CDH2: variants seen among roughly 807,000 people sequenced by gnomAD.
The protein encoded by CDH2 is cadherin 2, also known as cadherin-2.
CDH2 carries 17 observed loss-of-function variants against 92.0 expected under a neutral mutation model. The ratio of observed to expected loss-of-function variants is 0.18; its 90% CI spans 0.13 to 0.28. The LOEUF is 0.28. CDH2 is among the 10% of genes least tolerant of loss of function. The probability of loss-of-function intolerance (pLI) is 1.00; values close to 1 mark genes in which losing one functional copy is unlikely to be tolerated. For synonymous variants in CDH2, 419 were observed against 415.9 expected (o/e 1.01, Z -0.09); for missense variants, 862 against 1,133.1 (o/e 0.76, Z 3.44).
At chr18:28,167,982 G>A (rs536417707) in intron 1 of CDH2, among the ~76,000 whole-genome samples, 1 of 152,236 alleles carries the variant, frequency 6.6e-6, no homozygotes, top group East Asian at 1.9e-4. Context: ...GAATGTCTGT[G>A]TTAACCAATT....
chr18:27,943,127 T>C (rs1000109234), intron 6 of CDH2, among the ~76,000 whole-genome samples: 13 of 152,176 alleles, frequency 8.5e-5, no homozygotes, highest in African/African-American at 3.1e-4. Context: ...GGTATATAAA[T>C]ATTTGACTAT....
chr18:27,932,914 T>C (rs1231448891), exon 7 of CDH2, among the ~76,000 whole-genome samples: 1 of 152,186 alleles, frequency 6.6e-6, no homozygotes, highest in African/African-American at 2.4e-5. Flanking sequence ...AGATAAATAA[T>C]ACTATGCTGC....
chr18:27,990,404 C>T, intron 9 of CDH2, 54 bp from the exon 10 acceptor site: 2 of 1,530,956 alleles, frequency 1.3e-6, no homozygotes, highest in South Asian at 2.5e-5. Context: ...TGCTTGCATT[C>T]TGTAGTTTAT....
chr18:28,111,469 C>G (rs2015412179), intron 2 of CDH2, among the ~76,000 whole-genome samples: 1 of 152,174 alleles, frequency 6.6e-6, no homozygotes, highest in Non-Finnish European at 1.5e-5. Context: ...GGAAAGCACT[C>G]CGTCCTATAA....
intron 3 of CDH2, 55 bp from the exon 4 acceptor site, chr18:28,012,047 G>C: frequency 6.9e-7 from 1 of 1,454,672 alleles, no homozygotes. Context: ...TTTTCTGAAA[G>C]TACATCAATA....
chr18:28,154,973 G>C (rs1337500649), intron 1 of CDH2, among the ~76,000 whole-genome samples: 2 of 152,248 alleles, frequency 1.3e-5, no homozygotes, highest in Non-Finnish European at 2.9e-5. Context: ...TTGGATGTCA[G>C]GTTAAAACAC....
At chr18:28,057,654 A>T (rs982155303) in intron 2 of CDH2, among the ~76,000 whole-genome samples, 1 of 150,800 alleles carries the variant, frequency 6.6e-6, no homozygotes, top group African/African-American at 2.5e-5. Context: ...GTGACAGGGC[A>T]AGACTCTGTC....
At chr18:28,173,678 C>A (rs1331378012) in intron 1 of CDH2, among the ~76,000 whole-genome samples, 1 of 152,146 alleles carries the variant, frequency 6.6e-6, no homozygotes, top group Non-Finnish European at 1.5e-5. Context: ...CATTAAAATA[C>A]TGTCCTAGAT....
At chr18:28,099,481 A>C (rs938368620) in intron 2 of CDH2, among the ~76,000 whole-genome samples, 1 of 152,192 alleles carries the variant, frequency 6.6e-6, no homozygotes, top group Non-Finnish European at 1.5e-5. Flanking sequence ...AGTCACACTA[A>C]TATGGCTGCT....
chr18:28,088,170 CAG>C (rs900524744), intron 2 of CDH2, among the ~76,000 whole-genome samples: 5 of 152,110 alleles, frequency 3.3e-5, no homozygotes, highest in African/African-American at 1.2e-4. Context: ...TTGACAAAAA[CAG>C]GGTAAAGAAA....
At chr18:28,037,565 A>C (rs2013860163) in intron 2 of CDH2, among the ~76,000 whole-genome samples, 1 of 152,192 alleles carries the variant, frequency 6.6e-6, no homozygotes, top group African/African-American at 2.4e-5. Context: ...GACTGGGAAG[A>C]AGCGAGTTCC....
chr18:28,127,630 A>G (rs2015700007), intron 2 of CDH2, among the ~76,000 whole-genome samples: 1 of 152,226 alleles, frequency 6.6e-6, no homozygotes, highest in Non-Finnish European at 1.5e-5. Context: ...AATTTAAGCC[A>G]TGACCAAAAA....
chr18:27,984,832 T>C (rs939488020), intron 13 of CDH2, among the ~76,000 whole-genome samples, 168 bp downstream of exon 13: 2 of 151,546 alleles, frequency 1.3e-5, no homozygotes, highest in African/African-American at 4.9e-5. Context: ...TGCTCTGGGG[T>C]TTTTTCATTC....
chr18:28,025,772 T>G (rs2013537447), intron 2 of CDH2, among the ~76,000 whole-genome samples: 1 of 151,908 alleles, frequency 6.6e-6, no homozygotes, highest in African/African-American at 2.4e-5. Flanking sequence ...TATTATAACA[T>G]AGGGTAGCTA....
intron 2 of CDH2, among the ~76,000 whole-genome samples, chr18:28,094,700 A>G (rs574060002): frequency 3.8e-4 from 57 of 149,926 alleles, no homozygotes; most frequent in African/African-American, 1.3e-3. Context: ...AGGCTGAGGC[A>G]GGAGAATGGC....
At chr18:28,068,459 C>A (rs1247623369) in intron 2 of CDH2, among the ~76,000 whole-genome samples, 1 of 152,186 alleles carries the variant, frequency 6.6e-6, no homozygotes, top group African/African-American at 2.4e-5. Flanking sequence ...ACTATCAACA[C>A]TACTTTGAAC....
In CDH2 at chr18:28,159,674, T is replaced by G. The variant is rs2628603; in HGVS notation, c.61-11890A>C. ...AATTTTTTTGTTTTTTTTTTTTTTT[T>G]GAAAGGGAGTCTCACTCTGTCACCC... On this transcript the variant is annotated intron_variant, in intron 1 of 15. Coordinates refer to ENST00000269141, the MANE Select transcript of CDH2 (RefSeq NM_001792.5). Among the ~76,000 whole-genome samples, 470 of 151,016 alleles carry G rather than the reference T, an allele frequency of 3.1e-3. 3 individuals carry two copies. The highest frequency in any genetic ancestry group is 0.022 in the South Asian group (104 of 4,768).
intron 2 of CDH2, among the ~76,000 whole-genome samples, chr18:28,031,119 C>T (rs2013684544): frequency 6.6e-6 from 1 of 151,392 alleles, no homozygotes; most frequent in Non-Finnish European, 1.5e-5. Flanking sequence ...TTGCCATCTC[C>T]ACTTGGAAAT....
intron 2 of CDH2, among the ~76,000 whole-genome samples, chr18:28,139,891 G>A (rs2015925549): frequency 6.6e-6 from 1 of 151,944 alleles, no homozygotes; most frequent in Admixed American, 6.6e-5. Context: ...CTGTAGCCAA[G>A]CCCTTTCCAC....
Sources: gnomAD v4.1 joint callset for allele counts (sites outside exome capture counted in the v4.1 genomes callset) on GRCh38, gnomAD v4.1.1 for gene constraint, MANE v1.5 for transcripts, NCBI Gene and HGNC (gene_info 2026-07-23, HGNC 2026-07-21) for gene names.